Variants in SGCZ observed in about 807,000 individuals in gnomAD.
SGCZ encodes the protein zeta-sarcoglycan.
A neutral mutation model predicts 41.3 loss-of-function variants in SGCZ; 40 were observed. The ratio of observed to expected loss-of-function variants is 0.97; its 90% CI spans 0.75 to 1.26. SGCZ has a LOEUF of 1.26. SGCZ is among the 50% of genes most tolerant of loss of function. SGCZ has a pLI of 0.00. For synonymous variants in SGCZ, 206 were observed against 137.5 expected (o/e 1.50, Z -3.49); for missense variants, 552 against 369.8 (o/e 1.49, Z -4.04).
intron 1 of SGCZ, among the ~76,000 whole-genome samples, chr8:14,774,964 G>C (rs1585249841): frequency 6.6e-6 from 1 of 152,088 alleles, no homozygotes; most frequent in East Asian, 1.9e-4. Flanking sequence ...TGTCATTGTA[G>C]TGACTTTGAC....
At chr8:14,293,492 T>C (rs1330025057) in intron 3 of SGCZ, among the ~76,000 whole-genome samples, 1 of 152,012 alleles carries the variant, frequency 6.6e-6, no homozygotes, top group East Asian at 1.9e-4. Context: ...ACACAGAATG[T>C]CATTCAGTTA....
chr8:14,412,256 A>C (rs11203603), intron 2 of SGCZ, among the ~76,000 whole-genome samples: 16,821 of 152,092 alleles, frequency 0.11, 1,852 homozygotes, highest in African/African-American at 0.28. Flanking sequence ...TTTTGGAAAA[A>C]ATCAAACAAT....
intron 1 of SGCZ, among the ~76,000 whole-genome samples, chr8:15,002,472 G>T (rs1354910149): frequency 2.6e-5 from 4 of 152,052 alleles, no homozygotes; most frequent in African/African-American, 7.2e-5. Flanking sequence ...CACATTTCTG[G>T]GAATGTGTGT....
chr8:14,196,377 C>A (rs1354422468), intron 4 of SGCZ, among the ~76,000 whole-genome samples: 1 of 151,456 alleles, frequency 6.6e-6, no homozygotes, highest in Non-Finnish European at 1.5e-5. Flanking sequence ...TATTCTCCTG[C>A]CTCATTAATT....
intron 1 of SGCZ, among the ~76,000 whole-genome samples, chr8:14,895,192 T>C (rs1353212838): frequency 2.6e-5 from 4 of 152,198 alleles, no homozygotes; most frequent in Non-Finnish European, 5.9e-5. Context: ...ATAACAGTTG[T>C]TGCCAACTAG....
chr8:15,191,894 G>A (rs181603737), intron 1 of SGCZ, among the ~76,000 whole-genome samples: 1 of 152,014 alleles, frequency 6.6e-6, no homozygotes, highest in African/African-American at 2.4e-5. Context: ...ATCTACCCAC[G>A]CTTAAGGGCT....
intron 2 of SGCZ, among the ~76,000 whole-genome samples, chr8:14,377,528 T>A (rs1033892556): frequency 5.9e-5 from 9 of 152,082 alleles, no homozygotes; most frequent in African/African-American, 2.2e-4. Context: ...TTGTTTTTAT[T>A]TTTTTCTTTT....
At chr8:14,772,348 C>G (rs1800268132) in intron 1 of SGCZ, among the ~76,000 whole-genome samples, 1 of 151,966 alleles carries the variant, frequency 6.6e-6, no homozygotes, top group Admixed American at 6.6e-5. Flanking sequence ...ATAAGCATTA[C>G]TTTAAAAGTT....
At position 14,089,273 on chromosome 8, in the gene SGCZ, T is replaced by C. The variant is rs111919285; in HGVS notation, c.*1170A>G. Among the ~76,000 whole-genome samples the C allele has an allele frequency of 5.3e-5, 8 of 152,090 alleles. No homozygotes were observed. Among genetic ancestry groups the C allele is most frequent in the South Asian group, 2.1e-4 (1 of 4,832 alleles). On this transcript the variant is annotated 3_prime_UTR_variant, in exon 8 of 8. Coordinates refer to ENST00000382080, the MANE Select transcript of SGCZ (RefSeq NM_139167.4). ...AAATGGGACTAAATTCCCTAAAATATGAATGTAGTGAAGTAAACACATTTT... is the reference window on the plus strand; with the variant it reads ...AAATGGGACTAAATTCCCTAAAATACGAATGTAGTGAAGTAAACACATTTT...
chr8:15,122,648 G>C (rs1260497611), intron 1 of SGCZ, among the ~76,000 whole-genome samples: 4 of 152,124 alleles, frequency 2.6e-5, no homozygotes, highest in African/African-American at 4.8e-5. Context: ...CATGTTAGAT[G>C]CCTTATTGAT....
intron 3 of SGCZ, among the ~76,000 whole-genome samples, chr8:14,313,426 G>A (rs560770978): frequency 6.6e-6 from 1 of 152,230 alleles, no homozygotes; most frequent in Non-Finnish European, 1.5e-5. Context: ...TGATTCTCAT[G>A]CCTCAGCCTC....
intron 1 of SGCZ, among the ~76,000 whole-genome samples, chr8:15,097,499 A>G (rs1018852992): frequency 6.6e-6 from 1 of 152,002 alleles, no homozygotes; most frequent in Non-Finnish European, 1.5e-5. Context: ...CTGTTGTCCT[A>G]GCACTTTGGG....
intron 1 of SGCZ, among the ~76,000 whole-genome samples, chr8:14,606,273 C>T (rs73194115): frequency 0.055 from 8,346 of 152,122 alleles, 260 homozygotes; most frequent in South Asian, 0.14. Flanking sequence ...TATGATTATG[C>T]CACTTTCTTG....
intron 1 of SGCZ, among the ~76,000 whole-genome samples, chr8:15,112,794 A>T (rs1407186023): frequency 6.6e-6 from 1 of 152,226 alleles, no homozygotes; most frequent in Non-Finnish European, 1.5e-5. Flanking sequence ...CCTCCAAGCC[A>T]GCTATCCCAG....
chr8:14,634,272 G>T (rs1201518676), intron 1 of SGCZ, among the ~76,000 whole-genome samples: 1 of 151,576 alleles, frequency 6.6e-6, no homozygotes, highest in African/African-American at 2.4e-5. Flanking sequence ...TGAATTGGGG[G>T]GAAAACAGCA....
chr8:14,546,087 T>C lies in SGCZ; in HGVS notation c.234+8645A>G, dbSNP rs137928310. On this transcript the variant is annotated intron_variant, in intron 2 of 7. Transcript: ENST00000382080. ...AATTTGTCAGAAAATCATGAGGAGC[T>C]GCATACGGAAGGGTATAATGGAAGC... Among the ~76,000 whole-genome samples, 867 of 152,260 alleles carry C rather than the reference T, an allele frequency of 5.7e-3. 11 individuals carry two copies. The highest frequency in any genetic ancestry group is 0.02 in the African/African-American group (814 of 41,542).
intron 1 of SGCZ, among the ~76,000 whole-genome samples, chr8:14,781,003 A>G (rs372299369): frequency 1.3e-5 from 2 of 152,184 alleles, no homozygotes; most frequent in East Asian, 3.8e-4. Flanking sequence ...TAAAATATTT[A>G]GTTTAAACTA....
chr8:14,942,141 G>T lies in SGCZ; in HGVS notation c.39+295444C>A, dbSNP rs549160319. Among the ~76,000 whole-genome samples the T allele has an allele frequency of 3.3e-5, 5 of 151,856 alleles. No individual in the cohort carries two copies. The South Asian group carries it at 6.2e-4, about 19-fold the overall frequency. Reference sequence around the variant, plus strand: ...CTCTTAGACTAGTATGCATTGTCTGGGTCCAGGATCTGGTACCACATCTTG... The same window carrying T: ...CTCTTAGACTAGTATGCATTGTCTGTGTCCAGGATCTGGTACCACATCTTG... On this transcript the variant is annotated intron_variant, in intron 1 of 7. Transcript: ENST00000382080.
At chr8:15,214,839 C>A (rs1801347075) in intron 1 of SGCZ, among the ~76,000 whole-genome samples, 1 of 152,080 alleles carries the variant, frequency 6.6e-6, no homozygotes, top group South Asian at 2.1e-4. Context: ...AGAGATGTTA[C>A]CAGAGCAAAT....
Sources: gnomAD v4.1 joint callset for allele counts (sites outside exome capture counted in the v4.1 genomes callset) on GRCh38, gnomAD v4.1.1 for gene constraint, MANE v1.5 for transcripts, NCBI Gene and HGNC (gene_info 2026-07-23, HGNC 2026-07-21) for gene names.